Variants in AFF3 observed in about 807,000 individuals in gnomAD.
AFF3 encodes the protein ALF transcription elongation factor 3.
AFF3 carries 32 observed loss-of-function variants against 129.7 expected under a neutral mutation model. The ratio of observed to expected loss-of-function variants is 0.25; its 90% CI spans 0.19 to 0.33. The LOEUF is 0.33. Among genes scored for constraint, AFF3 ranks in the 10% least tolerant of loss-of-function variants. AFF3 has a pLI of 1.00. For synonymous variants in AFF3, 644 were observed against 635.4 expected, an observed-to-expected ratio of 1.01 and a Z score of -0.20; for missense variants, 1,373 against 1,592.0, an observed-to-expected ratio of 0.86 and a Z score of 2.34.
intron 8 of AFF3, among the ~76,000 whole-genome samples, chr2:99,789,446 C>CAA (rs34653301): frequency 0.032 from 1,934 of 59,968 alleles, 40 homozygotes; most frequent in East Asian, 0.06. Context: ...GCCCTGTCAC[C>CAA]AAAAAAAAAA....
At chr2:100,103,320 CA>C (rs1690887078) in intron 4 of AFF3, among the ~76,000 whole-genome samples, 2 of 146,874 alleles carry the variant, frequency 1.4e-5, no homozygotes, top group African/African-American at 5.1e-5. Context: ...TGAATTAAAG[CA>C]AAAGGAAAAA....
chr2:99,935,112 G>A (rs1444111891), intron 7 of AFF3, among the ~76,000 whole-genome samples: 2 of 152,314 alleles, frequency 1.3e-5, no homozygotes, highest in African/African-American at 4.8e-5. Context: ...GTCATCTAAT[G>A]TTTCGCATTA....
chr2:99,609,830 TA>T (rs1375271872), intron 13 of AFF3, among the ~76,000 whole-genome samples: 1 of 152,200 alleles, frequency 6.6e-6, no homozygotes, highest in Non-Finnish European at 1.5e-5. Flanking sequence ...CTTGTAATTT[TA>T]TCACATGTAT....
chr2:99,793,301 G>A (rs1486629210), intron 8 of AFF3, among the ~76,000 whole-genome samples: 1 of 152,186 alleles, frequency 6.6e-6, no homozygotes, highest in African/African-American at 2.4e-5. Flanking sequence ...CGCCAGAAGC[G>A]AATGCTAGCA....
intron 18 of AFF3, among the ~76,000 whole-genome samples, chr2:99,574,777 A>T (rs944913243): frequency 6.6e-6 from 1 of 152,222 alleles, no homozygotes; most frequent in African/African-American, 2.4e-5. Context: ...GATCACTGTA[A>T]CTGGATTTCC....
Position 99,855,758 on chromosome 2 carries a change from G to A in AFF3, c.874-18234C>T, listed in dbSNP as rs1468953833. Among the ~76,000 whole-genome samples the A allele has an allele frequency of 4.6e-5, 7 of 152,164 alleles. 1 individual carries two copies. The highest frequency in any genetic ancestry group is 2.6e-4 in the Admixed American group (4 of 15,270). ...AGTCCTTAAGTCTGAGCTGCCAATG[G>A]TGACTTCTTTCCAAAGAGTATAGCA... On this transcript the variant is annotated intron_variant, in intron 7 of 24. Coordinates refer to ENST00000672756, the MANE Select transcript of AFF3 (RefSeq NM_001386135.1).
At chr2:100,071,270 G>GA (rs1222396453) in intron 4 of AFF3, among the ~76,000 whole-genome samples, 2 of 151,948 alleles carry the variant, frequency 1.3e-5, no homozygotes, top group African/African-American at 2.4e-5. Flanking sequence ...ATACAATAGA[G>GA]AAAAAAATTT....
chr2:99,659,154 C>A (rs1436239953), intron 12 of AFF3, among the ~76,000 whole-genome samples: 2 of 152,166 alleles, frequency 1.3e-5, no homozygotes, highest in Non-Finnish European at 2.9e-5. Context: ...TGAAGATTCG[C>A]CTGGCAGAGC....
chr2:99,835,144 C>T (rs997673762), intron 8 of AFF3, among the ~76,000 whole-genome samples: 7 of 152,198 alleles, frequency 4.6e-5, no homozygotes, highest in Admixed American at 2.0e-4. Context: ...GCAATAGCCT[C>T]CCACTCCCTC....
chr2:99,871,203 G>T (rs1293471715), intron 7 of AFF3, among the ~76,000 whole-genome samples: 2 of 152,112 alleles, frequency 1.3e-5, no homozygotes, highest in African/African-American at 4.8e-5. Context: ...CCATCCCCAA[G>T]ATATCTCATT....
At position 99,963,865 on chromosome 2, in the gene AFF3, G is replaced by T. The variant is rs187106717; in HGVS notation, c.873+42767C>A. ...ATAAAATAACATGATCCAATAATAT[G>T]CTGTCTATTAGAAACTGATTTCACA... On this transcript the variant is annotated intron_variant, in intron 7 of 24. Coordinates refer to ENST00000672756, the MANE Select transcript of AFF3 (RefSeq NM_001386135.1). Among the ~76,000 whole-genome samples the T allele has an allele frequency of 1.9e-3, 287 of 152,134 alleles. 1 individual carries two copies. Among genetic ancestry groups the T allele is most frequent in the South Asian group, 3.3e-3 (16 of 4,824 alleles).
chr2:99,812,322 C>A (rs973835328), intron 8 of AFF3, among the ~76,000 whole-genome samples: 2 of 152,174 alleles, frequency 1.3e-5, no homozygotes, highest in African/African-American at 4.8e-5. Context: ...TCATTGTCTT[C>A]CTTCCGATAC....
chr2:99,646,694 A>T (rs6705614), intron 13 of AFF3, among the ~76,000 whole-genome samples: 8 of 152,194 alleles, frequency 5.3e-5, no homozygotes, highest in African/African-American at 1.9e-4. Flanking sequence ...GGCAAGTCAT[A>T]CAGTGGTCTG....
chr2:99,968,622 G>A (rs1315692001), intron 7 of AFF3, among the ~76,000 whole-genome samples: 1 of 152,162 alleles, frequency 6.6e-6, no homozygotes, highest in Non-Finnish European at 1.5e-5. Flanking sequence ...TCACTGCCCT[G>A]AAATAATTTA....
chr2:99,559,490 T>A (rs748618395), intron 21 of AFF3, among the ~76,000 whole-genome samples: 19 of 152,278 alleles, frequency 1.2e-4, no homozygotes, highest in Non-Finnish European at 2.5e-4. Context: ...ATGCTGGGAA[T>A]AGGTGCCATC....
rs570896593 is a variant in AFF3, at chr2:99,545,812, G to C, written c.*5662C>G. 5.6e-6 allele frequency: 1 copy of C among 179,730 alleles called. No homozygotes were observed. The highest frequency in any genetic ancestry group is 1.2e-5 in the Non-Finnish European group (1 of 83,844). The allele number at this position is 179,730 out of a possible 1,614,324, so 11.1% of individuals were successfully genotyped here. ...GCCAACACAAAATTTACCCCCTGCT[G>C]CCTCGGAGTGCCAATTAAAATAATA... On this transcript the variant is annotated 3_prime_UTR_variant, in exon 25 of 25. Coordinates refer to ENST00000672756, the MANE Select transcript of AFF3 (RefSeq NM_001386135.1).
intron 7 of AFF3, among the ~76,000 whole-genome samples, chr2:99,980,310 C>T (rs1336476929): frequency 2.6e-5 from 4 of 152,160 alleles, no homozygotes; most frequent in East Asian, 1.9e-4. Flanking sequence ...TCCTCAGAGA[C>T]GTGGTGTCAA....
At chr2:99,579,851 G>C (rs1395006918) in intron 17 of AFF3, among the ~76,000 whole-genome samples, 1 of 152,180 alleles carries the variant, frequency 6.6e-6, no homozygotes, top group African/African-American at 2.4e-5. Context: ...CAAACACATG[G>C]ATCATAAAAC....
intron 7 of AFF3, among the ~76,000 whole-genome samples, chr2:99,991,920 C>A (rs10164895): frequency 0.18 from 26,328 of 143,868 alleles, 2,900 homozygotes; most frequent in African/African-American, 0.32. Context: ...AAAACAAAAA[C>A]AAAAAAACCC....
Sources: gnomAD v4.1 joint callset for allele counts (sites outside exome capture counted in the v4.1 genomes callset) on GRCh38, gnomAD v4.1.1 for gene constraint, MANE v1.5 for transcripts, NCBI Gene and HGNC (gene_info 2026-07-23, HGNC 2026-07-21) for gene names.